The following PREP variants were observed in gnomAD, a reference collection of about 807,000 sequenced individuals.
PREP encodes the protein prolyl endopeptidase, also known as dJ355L5.1 (prolyl endopeptidase).
PREP carries 29 observed loss-of-function variants against 87.6 expected under a neutral mutation model. The observed-to-expected ratio is 0.33, with a 90% CI of 0.25 to 0.45. PREP has a LOEUF of 0.45. PREP is among the 20% of genes least tolerant of loss of function. The pLI, the probability that PREP is intolerant of heterozygous loss-of-function variation, is 1.00. For missense variants in PREP, 695 were observed against 886.5 expected (o/e 0.78, Z 2.74); for synonymous variants, 337 against 328.6 (o/e 1.03, Z -0.28).
Position 105,402,963 on chromosome 6 carries a change from C to G in PREP, c.-72G>C. 1.1e-6 allele frequency: 1 copy of G among 872,188 alleles called. No homozygotes were observed. Among genetic ancestry groups the G allele is most frequent in the Non-Finnish European group, 1.6e-6 (1 of 636,594 alleles). The allele number at this position is 872,188 out of a possible 1,614,324, so 54.0% of individuals were successfully genotyped here. A position where few individuals can be genotyped will look rare whatever the true frequency, so the allele number is the denominator to read the frequency against. On this transcript the variant is annotated 5_prime_UTR_variant, in exon 1 of 15. Transcript: ENST00000652536. ...AGCGGACCTGAGCTAGCCGGGCTGG[C>G]CGCGAGGCGCGGCTGGGGCGCAGGC... is the stretch of plus-strand genomic sequence containing the variant.
intron 8 of PREP, among the ~76,000 whole-genome samples, chr6:105,331,483 T>A (rs1460659881): frequency 1.3e-5 from 2 of 152,242 alleles, no homozygotes; most frequent in Admixed American, 1.3e-4. Flanking sequence ...AATCACTGTT[T>A]AATCCTGACT....
intron 5 of PREP, among the ~76,000 whole-genome samples, chr6:105,370,081 G>A (rs1290716755): frequency 2.0e-5 from 3 of 151,808 alleles, no homozygotes; most frequent in Non-Finnish European, 4.4e-5. Flanking sequence ...GTGAAATCCC[G>A]TCTCTACTAA....
chr6:105,379,111 A>G (rs1772770428), intron 2 of PREP, among the ~76,000 whole-genome samples: 1 of 152,258 alleles, frequency 6.6e-6, no homozygotes, highest in Non-Finnish European at 1.5e-5. Context: ...GTTACAGGTC[A>G]CATTTCTGAT....
At chr6:105,309,412 C>T (rs954723122) in intron 10 of PREP, among the ~76,000 whole-genome samples, 6 of 151,322 alleles carry the variant, frequency 4.0e-5, no homozygotes, top group Non-Finnish European at 4.4e-5. Flanking sequence ...TGTGTTTATG[C>T]GATCTCGACT....
At chr6:105,282,020 A>C (rs900891563) in intron 13 of PREP, 118 bp from the exon 14 acceptor site, 1 of 1,230,590 alleles carries the variant, frequency 8.1e-7, no homozygotes, top group Non-Finnish European at 1.1e-6. Flanking sequence ...TATCCAGAGC[A>C]CAAGAGGAAA....
chr6:105,380,086 T>G (rs569737070), intron 2 of PREP, among the ~76,000 whole-genome samples: 1 of 152,284 alleles, frequency 6.6e-6, no homozygotes, highest in Non-Finnish European at 1.5e-5. Flanking sequence ...CACAAATGGT[T>G]TGGAAATTTA....
In PREP at chr6:105,278,558, T is replaced by C. The variant is rs991457180; in HGVS notation, c.1839-120A>G. The C allele has an allele frequency of 6.5e-5, 68 of 1,042,210 alleles. No individual in the cohort carries two copies. The highest frequency in any genetic ancestry group is 4.3e-4 in the East Asian group (17 of 39,804). The allele number at this position is 1,042,210 out of a possible 1,614,324, so 64.6% of individuals were successfully genotyped here. A position where few individuals can be genotyped will look rare whatever the true frequency, so the allele number is the denominator to read the frequency against. ...TTAACTAGTACGTGAGTGACCACCA[T>C]GGACTGTGCCTATGCGTTACCATTT... On this transcript the variant is annotated intron_variant, in intron 14 of 14. Coordinates refer to ENST00000652536, the MANE Select transcript of PREP (RefSeq NM_002726.5). This position sits in a 1 kb window ranked among gnomAD's most constrained non-coding sequence, Gnocchi z 4.2.
At chr6:105,301,011 G>A (rs1476898023) in intron 10 of PREP, among the ~76,000 whole-genome samples, 5 of 152,122 alleles carry the variant, frequency 3.3e-5, no homozygotes, top group Admixed American at 2.0e-4. Flanking sequence ...TAAGACGCAC[G>A]AATGTGCAAT....
chr6:105,359,586 C>T (rs1049918032), intron 6 of PREP, among the ~76,000 whole-genome samples: 26 of 152,112 alleles, frequency 1.7e-4, no homozygotes, highest in African/African-American at 5.3e-4. Flanking sequence ...GTAGTGGGTG[C>T]TGTGCTGGGC....
chr6:105,374,226 T>G (rs1446771181), intron 4 of PREP, among the ~76,000 whole-genome samples: 2 of 152,234 alleles, frequency 1.3e-5, no homozygotes, highest in African/African-American at 2.4e-5. Flanking sequence ...TGTCGTGCCA[T>G]GTACAGTCCT....
chr6:105,301,840 G>A (rs1398046875), intron 10 of PREP, among the ~76,000 whole-genome samples: 1 of 152,086 alleles, frequency 6.6e-6, no homozygotes, highest in Non-Finnish European at 1.5e-5. Flanking sequence ...GCTCTCTAAG[G>A]CTCAGCCATC....
chr6:105,334,194 C>T (rs1194167784), intron 7 of PREP, among the ~76,000 whole-genome samples: 1 of 152,222 alleles, frequency 6.6e-6, no homozygotes, highest in African/African-American at 2.4e-5. Context: ...CCCTTAGAAA[C>T]TTTCAATGAC....
chr6:105,402,588 C>A (rs1198085193), intron 1 of PREP, among the ~76,000 whole-genome samples: 1 of 152,220 alleles, frequency 6.6e-6, no homozygotes. Flanking sequence ...CTGCCCTTGA[C>A]CCCATTGATT....
intron 3 of PREP, 99 bp from the exon 4 acceptor site, chr6:105,376,354 T>C: frequency 7.1e-7 from 1 of 1,399,146 alleles, no homozygotes; most frequent in Non-Finnish European, 9.7e-7. Context: ...ACCAAAGACC[T>C]AAAAAGGTAC....
intron 6 of PREP, among the ~76,000 whole-genome samples, chr6:105,362,452 C>T (rs1772278459): frequency 6.6e-6 from 1 of 152,204 alleles, no homozygotes; most frequent in Admixed American, 6.5e-5. Flanking sequence ...CAGAGCGAGA[C>T]TCCATCTCAC....
intron 2 of PREP, among the ~76,000 whole-genome samples, chr6:105,395,575 A>G (rs9480553): frequency 0.018 from 2,488 of 135,484 alleles, 78 homozygotes; most frequent in African/African-American, 0.08. Flanking sequence ...AAAATAGTGT[A>G]TACTCCAATG....
chr6:105,344,960 C>A (rs1771759247), intron 7 of PREP, among the ~76,000 whole-genome samples: 1 of 152,218 alleles, frequency 6.6e-6, no homozygotes, highest in East Asian at 1.9e-4. Context: ...GTCATAAGCT[C>A]ATTCAGAATA....
intron 6 of PREP, among the ~76,000 whole-genome samples, chr6:105,353,645 G>A (rs755442608): frequency 7.2e-5 from 11 of 151,770 alleles, no homozygotes; most frequent in Admixed American, 6.6e-5. Context: ...GGTGGTAGGC[G>A]CCTGTAATCC....
chr6:105,314,720 G>A (rs1770826233), intron 10 of PREP, among the ~76,000 whole-genome samples: 3 of 152,106 alleles, frequency 2.0e-5, no homozygotes, highest in Admixed American at 1.3e-4. Flanking sequence ...CCTGAAGGGT[G>A]GAATCAACCT....
Sources: gnomAD v4.1 joint callset for allele counts (sites outside exome capture counted in the v4.1 genomes callset) on GRCh38, gnomAD v4.1.1 for gene constraint, Gnocchi (gnomAD v3.1) non-coding constraint, MANE v1.5 for transcripts, NCBI Gene and HGNC (gene_info 2026-07-23, HGNC 2026-07-21) for gene names.